The following LGI1 variants were observed in gnomAD, a reference collection of about 807,000 sequenced individuals.
LGI1 encodes the protein leucine rich glioma inactivated 1.
Under a neutral mutation model 57.7 loss-of-function variants are expected in LGI1, and 11 were observed. The ratio of observed to expected loss-of-function variants is 0.19; its 90% CI spans 0.12 to 0.32. The LOEUF (loss-of-function observed/expected upper bound fraction) is 0.32, where lower values mean the gene tolerates loss of function less well. Ranked by LOEUF, LGI1 falls within the 10% of genes least tolerant of loss-of-function variation. LGI1 has a pLI of 1.00. For missense variants in LGI1, 422 were observed against 661.9 expected, an observed-to-expected ratio of 0.64 and a Z score of 3.98; for synonymous variants, 222 against 241.9, an observed-to-expected ratio of 0.92 and a Z score of 0.76.
At position 93,758,262 on chromosome 10, in the gene LGI1, C is replaced by A; in HGVS notation, c.118C>A (p.Pro40Thr). ...LLTEGKKPAK[P>T]KCPAVCTCTK... is the part of the protein sequence containing the mutation. ...GACTGAGGGGAAGAAACCAGCGAAG[C>A]CAAAATGCCCTGCCGTGTGTACTTG... is the stretch of plus-strand genomic sequence containing the variant. The change falls in exon 1 of 8, where the codon CCA becomes ACA. Residue 40 changes from proline to threonine, a missense_variant. Pro to Thr is a conservative substitution (Grantham distance 38, BLOSUM62 -1). Around this residue, in one of 3 missense-constraint regions of LGI1, gnomAD observed 58 missense variants for 61.8 expected, o/e 0.94. Coordinates refer to ENST00000371418, the MANE Select transcript of LGI1 (RefSeq NM_005097.4). This position sits in a 1 kb window ranked among gnomAD's most constrained non-coding sequence, Gnocchi z 4.7. 6.2e-7 allele frequency: 1 copy of A among 1,614,162 alleles called. No individual in the cohort carries two copies. The highest frequency in any genetic ancestry group is 1.3e-5 in the African/African-American group (1 of 75,044).
chr10:93,766,863 A>G (rs919046515), intron 2 of LGI1: 4 of 152,144 alleles, frequency 2.6e-5, no homozygotes, highest in African/African-American at 9.7e-5. Context: ...AGATATAATT[A>G]TCTCCATTTT....
intron 4 of LGI1, among the ~76,000 whole-genome samples, chr10:93,783,201 C>A (rs2059862828): frequency 6.6e-6 from 1 of 151,980 alleles, no homozygotes; most frequent in Non-Finnish European, 1.5e-5. Context: ...ACGGTGAAAC[C>A]CCATCTCTAC....
intron 2 of LGI1, chr10:93,763,279 G>GAC (rs754588623): frequency 2.9e-4 from 39 of 136,704 alleles, no homozygotes; most frequent in Admixed American, 6.9e-4. Context: ...TACACACACA[G>GAC]ACACACACAC....
At chr10:93,781,017 A>C (rs184512234) in intron 4 of LGI1, among the ~76,000 whole-genome samples, 1 of 152,188 alleles carries the variant, frequency 6.6e-6, no homozygotes, top group Admixed American at 6.5e-5. Flanking sequence ...CTTCTTATAC[A>C]GAGATGTCAG....
rs189667642 is a variant in LGI1, at chr10:93,760,625, T to C, written c.287+1794T>C. Among the ~76,000 whole-genome samples the C allele has an allele frequency of 2.6e-4, 39 of 152,274 alleles. No individual in the cohort carries two copies. In the East Asian group the frequency reaches 6.4e-3, roughly 25 times the overall value. ...AATCAATTACCACATCTCCACTTTG[T>C]TTTTGTTGGGTGGACCCAGTCACGG... On this transcript the variant is annotated intron_variant, in intron 2 of 7. Transcript: ENST00000371418.
intron 2 of LGI1, among the ~76,000 whole-genome samples, chr10:93,762,068 T>C (rs2059629973): frequency 6.6e-6 from 1 of 152,208 alleles, no homozygotes; most frequent in African/African-American, 2.4e-5. Flanking sequence ...CACCCACTTA[T>C]AACATATTTT....
chr10:93,791,811 A>C (rs2059940053), intron 5 of LGI1: 1 of 152,216 alleles, frequency 6.6e-6, no homozygotes, highest in East Asian at 1.9e-4. Flanking sequence ...GAGCGATTGT[A>C]TGCCTGTGTT....
chr10:93,779,296 G>A (rs1205397727), intron 4 of LGI1, among the ~76,000 whole-genome samples: 2 of 151,940 alleles, frequency 1.3e-5, no homozygotes, highest in Non-Finnish European at 2.9e-5. Context: ...ATCCAGCTGT[G>A]TCTCCTCTCC....
At position 93,797,725 on chromosome 10, in the gene LGI1, G is replaced by A. The variant is rs763321683; in HGVS notation, c.1596G>A (p.Lys532=). 1 of 1,612,450 alleles carries A rather than the reference G, an allele frequency of 6.2e-7. No individual in the cohort carries two copies. The highest frequency in any genetic ancestry group is 8.5e-7 in the Non-Finnish European group (1 of 1,180,000). The change falls in exon 8 of 8, where the codon AAG becomes AAA. Residue 532 remains lysine (K), a synonymous_variant. Transcript: ENST00000371418. The surrounding 1 kb of genome is among the most constrained non-coding windows in gnomAD (Gnocchi z 6.5). ...CATTCACACATGTGTCCATTAATAA[G>A]CGTAATTTTCTTTTTGCTTCCAGTT... The part of the protein sequence containing the change: ...PRSFTHVSIN[K]RNFLFASSFK...
At chr10:93,766,512 C>CATTTTTTTTTTTTTTTTTTTTTTTTTTT (rs748070539) in intron 2 of LGI1, among the ~76,000 whole-genome samples, 1 of 84,588 alleles carries the variant, frequency 1.2e-5, no homozygotes, top group African/African-American at 4.9e-5. Context: ...TTATAGATCT[C>CATTTTTTTTTTTTTTTTTTTTTTTTTTT]TTTTTTTTTT....
intron 2 of LGI1, among the ~76,000 whole-genome samples, chr10:93,776,608 G>T (rs948286896): frequency 1.3e-5 from 2 of 152,068 alleles, no homozygotes; most frequent in Non-Finnish European, 2.9e-5. Flanking sequence ...ATTACATTAT[G>T]ACATAATATA....
chr10:93,780,982 C>A lies in LGI1; in HGVS notation c.431+3365C>A, dbSNP rs192987523. Among the ~76,000 whole-genome samples, 18 of 152,286 alleles carry A rather than the reference C, an allele frequency of 1.2e-4. 1 individual carries two copies. The highest frequency in any genetic ancestry group is 3.4e-3 in the Middle Eastern group (1 of 294). ...CGCCTTTATATAAATTTAGTTCACGCCTAAGAAACAATGCACTTTCTCACC... is the reference window on the plus strand; with the variant it reads ...CGCCTTTATATAAATTTAGTTCACGACTAAGAAACAATGCACTTTCTCACC... On this transcript the variant is annotated intron_variant, in intron 4 of 7. Transcript: ENST00000371418.
intron 4 of LGI1, among the ~76,000 whole-genome samples, chr10:93,788,072 T>A (rs2059905099): frequency 6.6e-6 from 1 of 152,184 alleles, no homozygotes; most frequent in Admixed American, 6.5e-5. Context: ...CTGCAGCCAG[T>A]TGCAGTTTTT....
At position 93,792,914 on chromosome 10, in the gene LGI1, T is replaced by G; in HGVS notation, c.673+2T>G. 6.2e-7 allele frequency: 1 copy of G among 1,613,328 alleles called. No homozygotes were observed. Among genetic ancestry groups the G allele is most frequent in the Non-Finnish European group, 8.5e-7 (1 of 1,179,322 alleles). On this transcript the variant is annotated splice_donor_variant, in intron 6 of 7. Coordinates refer to ENST00000371418, the MANE Select transcript of LGI1 (RefSeq NM_005097.4). LOFTEE classifies it high-confidence loss of function. ...AGGATTTTGATTGCATCATTACAGG[T>G]AATGTACTCATCATCATTCCACCTC...
Position 93,773,637 on chromosome 10 carries a change from C to T in LGI1, c.288-3742C>T, listed in dbSNP as rs537563656. ...CCCTCTTGGTAAGGAAACATACTCCCGTGGTTGCAGAAGAAAAAAGCCTCC... is the reference window on the plus strand; with the variant it reads ...CCCTCTTGGTAAGGAAACATACTCCTGTGGTTGCAGAAGAAAAAAGCCTCC... On this transcript the variant is annotated intron_variant, in intron 2 of 7. Coordinates refer to ENST00000371418, the MANE Select transcript of LGI1 (RefSeq NM_005097.4). 5.9e-5 allele frequency among the ~76,000 whole-genome samples: 9 copies of T among 152,194 alleles called. No homozygotes were observed. In the East Asian group the frequency reaches 1.2e-3, roughly 20 times the overall value.
At chr10:93,762,478 A>G (rs1209252851) in intron 2 of LGI1, 1 of 152,198 alleles carries the variant, frequency 6.6e-6, no homozygotes, top group Non-Finnish European at 1.5e-5. Flanking sequence ...GGCCTCCTTT[A>G]CCTTTAAAGC....
In LGI1 at chr10:93,786,174, G is replaced by A. The variant is rs867485812; in HGVS notation, c.432-3925G>A. Among the ~76,000 whole-genome samples the A allele has an allele frequency of 4.3e-5, 2 of 46,886 alleles. 1 individual carries two copies. The highest frequency in any genetic ancestry group is 5.9e-5 in the African/African-American group (2 of 33,636). 30.8% of individuals were successfully genotyped at this position (46,886 alleles called of 152,430 possible). A position where few individuals can be genotyped will look rare whatever the true frequency, so the allele number is the denominator to read the frequency against. The stretch of plus-strand genomic sequence containing the variant: ...CCTGAAACCGCATGAGAGTTTTCTA[G>A]GAAACAGGCAGCTCCCCGCTGCAGG... On this transcript the variant is annotated intron_variant, in intron 4 of 7. Transcript: ENST00000371418.
intron 2 of LGI1, chr10:93,770,324 G>T (rs1193436176): frequency 6.6e-6 from 1 of 152,324 alleles, no homozygotes; most frequent in Non-Finnish European, 1.5e-5. Flanking sequence ...CCTCTGAAGA[G>T]GCGAGGCCCC....
chr10:93,759,131 A>G, intron 2 of LGI1: 1 of 395,822 alleles, frequency 2.5e-6, no homozygotes, highest in Admixed American at 4.2e-5. Flanking sequence ...TTCATTTTTA[A>G]CTTGGGAACT....
Sources: gnomAD v4.1 joint callset for allele counts (sites outside exome capture counted in the v4.1 genomes callset) on GRCh38, gnomAD v4.1.1 for gene constraint, gnomAD v4.1.1 regional missense constraint, Gnocchi (gnomAD v3.1) non-coding constraint, MANE v1.5 for transcripts, NCBI Gene and HGNC (gene_info 2026-07-23, HGNC 2026-07-21) for gene names.